Variants in NRG1 observed in about 807,000 individuals in gnomAD.
The protein encoded by NRG1 is pro-neuregulin-1, membrane-bound isoform.
In NRG1, 18 loss-of-function variants were observed where a neutral mutation model predicts 63.8. The observed-to-expected ratio is 0.28, with a 90% confidence interval of 0.19 to 0.42. The LOEUF (loss-of-function observed/expected upper bound fraction) is 0.42. Ranked by LOEUF, NRG1 falls within the 10% of genes least tolerant of loss-of-function variation. The probability of loss-of-function intolerance (pLI) is 1.00; values close to 1 mark genes in which losing one functional copy is unlikely to be tolerated. For missense variants in NRG1, 762 were observed against 814.7 expected (o/e 0.94, Z 0.79); for synonymous variants, 302 against 301.3 (o/e 1.00, Z -0.02).
intron 5 of NRG1, chr8:32,646,598 T>C: frequency 1.3e-6 from 1 of 788,008 alleles, no homozygotes; most frequent in Non-Finnish European, 1.5e-6. Flanking sequence ...CATCGATCGC[T>C]GGCTTTCTCT....
chr8:31,972,563 G>A (rs1204908022), intron 1 of NRG1, among the ~76,000 whole-genome samples: 2 of 152,052 alleles, frequency 1.3e-5, no homozygotes, highest in Non-Finnish European at 1.5e-5. Flanking sequence ...CTATTTGCAA[G>A]CTTCCTAGGC....
intron 1 of NRG1, among the ~76,000 whole-genome samples, chr8:32,482,120 C>G (rs2347493): frequency 0.52 from 79,337 of 151,958 alleles, 21,567 homozygotes; most frequent in Non-Finnish European, 0.6. Flanking sequence ...AATTAAGCAC[C>G]TGCAATCAAA....
At chr8:32,163,906 A>G (rs372482777) in intron 1 of NRG1, among the ~76,000 whole-genome samples, 3 of 152,290 alleles carry the variant, frequency 2.0e-5, no homozygotes, top group East Asian at 3.9e-4. Flanking sequence ...GTGGAAGTAA[A>G]GAGAAATCAG....
At chr8:32,533,723 A>G (rs1831682947) in intron 1 of NRG1, among the ~76,000 whole-genome samples, 1 of 152,110 alleles carries the variant, frequency 6.6e-6, no homozygotes, top group Admixed American at 6.5e-5. Context: ...GCCAGGTAAA[A>G]GCACCATATT....
chr8:32,664,119 C>T (rs1803546551), intron 5 of NRG1, among the ~76,000 whole-genome samples: 2 of 151,982 alleles, frequency 1.3e-5, no homozygotes, highest in South Asian at 4.1e-4. Flanking sequence ...CCTAGAAAAA[C>T]AGATTAAGCA....
At chr8:31,805,085 T>C (rs1332343898) in intron 1 of NRG1, among the ~76,000 whole-genome samples, 1 of 152,334 alleles carries the variant, frequency 6.6e-6, no homozygotes, top group East Asian at 1.9e-4. Context: ...CTTTCAATTC[T>C]GAGTTTTTTA....
At chr8:32,740,387 G>A (rs1008990430) in intron 6 of NRG1, among the ~76,000 whole-genome samples, 2 of 151,866 alleles carry the variant, frequency 1.3e-5, no homozygotes, top group African/African-American at 4.8e-5. Context: ...GTAGAGACAG[G>A]GTTTCGCCAT....
intron 5 of NRG1, among the ~76,000 whole-genome samples, chr8:32,624,632 A>AT (rs1457601135): frequency 1.3e-5 from 2 of 152,178 alleles, no homozygotes; most frequent in African/African-American, 4.8e-5. Flanking sequence ...TTGCAGTATC[A>AT]TTTTTTTAAA....
chr8:31,961,397 A>G (rs757374874), intron 1 of NRG1, among the ~76,000 whole-genome samples: 6 of 152,202 alleles, frequency 3.9e-5, no homozygotes, highest in Non-Finnish European at 8.8e-5. Context: ...AAGTGAATAC[A>G]ACATCTCACT....
chr8:32,368,612 C>T (rs923885330), intron 1 of NRG1, among the ~76,000 whole-genome samples: 1 of 152,240 alleles, frequency 6.6e-6, no homozygotes, highest in African/African-American at 2.4e-5. Flanking sequence ...ATTTCTTCAC[C>T]TGCTAATTTA....
intron 1 of NRG1, among the ~76,000 whole-genome samples, chr8:32,091,567 A>G (rs1056439537): frequency 1.3e-5 from 2 of 152,194 alleles, no homozygotes; most frequent in Non-Finnish European, 2.9e-5. Context: ...CTGGTATGCC[A>G]GGCTTTGTTT....
chr8:32,162,976 C>T (rs1177679334), intron 1 of NRG1, among the ~76,000 whole-genome samples: 2 of 152,162 alleles, frequency 1.3e-5, no homozygotes, highest in African/African-American at 4.8e-5. Context: ...CACTTCTTTC[C>T]AGCTTCCAAA....
chr8:32,671,033 G>T (rs1273922262), intron 5 of NRG1, among the ~76,000 whole-genome samples: 1 of 151,934 alleles, frequency 6.6e-6, no homozygotes, highest in Non-Finnish European at 1.5e-5. Context: ...AGGCATATAT[G>T]GGAGACTAGC....
downstream of NRG1, among the ~76,000 whole-genome samples, chr8:32,768,798 G>A (rs980378551): frequency 1.3e-5 from 2 of 152,100 alleles, no homozygotes; most frequent in African/African-American, 2.4e-5. Context: ...AATCCTTTGG[G>A]GTGAACAGTG....
chr8:31,961,430 T>G (rs1805433888), intron 1 of NRG1, among the ~76,000 whole-genome samples: 3 of 152,204 alleles, frequency 2.0e-5, no homozygotes, highest in Non-Finnish European at 4.4e-5. Flanking sequence ...AAGAAATAGA[T>G]CTACTGAAAC....
intron 5 of NRG1, among the ~76,000 whole-genome samples, chr8:32,723,466 G>T (rs1457114272): frequency 6.6e-6 from 1 of 151,830 alleles, no homozygotes; most frequent in African/African-American, 2.4e-5. Flanking sequence ...TGGATCACGA[G>T]GCCAAGAGAT....
intron 1 of NRG1, among the ~76,000 whole-genome samples, chr8:31,967,746 C>G (rs980930528): frequency 2.0e-5 from 3 of 152,166 alleles, no homozygotes; most frequent in Admixed American, 2.0e-4. Flanking sequence ...AACCACCAGT[C>G]TGCAGGGCAG....
chr8:31,658,589 G>A (rs1805660689), intron 1 of NRG1, among the ~76,000 whole-genome samples: 1 of 152,044 alleles, frequency 6.6e-6, no homozygotes, highest in Admixed American at 6.5e-5. Context: ...CAGCCTCCCG[G>A]GTAGCTGGGA....
intron 1 of NRG1, among the ~76,000 whole-genome samples, chr8:32,526,431 CA>C (rs1185571569): frequency 6.6e-6 from 1 of 152,154 alleles, no homozygotes; most frequent in African/African-American, 2.4e-5. Context: ...ACAGAAATGA[CA>C]TCTCATCATG....
Sources: gnomAD v4.1 joint callset for allele counts (sites outside exome capture counted in the v4.1 genomes callset) on GRCh38, gnomAD v4.1.1 for gene constraint, MANE v1.5 for transcripts, NCBI Gene and HGNC (gene_info 2026-07-23, HGNC 2026-07-21) for gene names.